MIA2: variants seen among roughly 807,000 people sequenced by gnomAD.
The protein encoded by MIA2 is MIA SH3 domain ER export factor 2.
In MIA2, 127 loss-of-function variants were observed where a neutral mutation model predicts 167.8. The ratio of observed to expected loss-of-function variants is 0.76; its 90% CI spans 0.66 to 0.88. The LOEUF (loss-of-function observed/expected upper bound fraction) is 0.88, where lower values mean the gene tolerates loss of function less well. Ranked by LOEUF, MIA2 falls within the 40% of genes least tolerant of loss-of-function variation. The pLI is 0.00. For synonymous variants in MIA2, 552 were observed against 541.9 expected, an observed-to-expected ratio of 1.02 and a Z score of -0.26; for missense variants, 1,690 against 1,624.7, an observed-to-expected ratio of 1.04 and a Z score of -0.69.
intron 9 of MIA2, among the ~76,000 whole-genome samples, chr14:39,284,648 A>C (rs1032044895): frequency 6.6e-6 from 1 of 151,868 alleles, no homozygotes; most frequent in African/African-American, 2.4e-5. Flanking sequence ...TCAATGTTTT[A>C]TACTTTTCAG....
chr14:39,384,328 G>A (rs1029324415), intron 23 of MIA2, among the ~76,000 whole-genome samples: 2 of 152,070 alleles, frequency 1.3e-5, no homozygotes, highest in Admixed American at 6.6e-5. Context: ...TTAAGCCCAC[G>A]ACCTACTGCT....
intron 23 of MIA2, among the ~76,000 whole-genome samples, chr14:39,364,714 GT>G (rs71435652): frequency 2.7e-5 from 4 of 150,230 alleles, no homozygotes; most frequent in African/African-American, 7.4e-5. Flanking sequence ...CTGATAGTTT[GT>G]TTTTTTTGTT....
At chr14:39,263,881 G>A (rs1777116108) in intron 6 of MIA2, among the ~76,000 whole-genome samples, 1 of 151,966 alleles carries the variant, frequency 6.6e-6, no homozygotes, top group Non-Finnish European at 1.5e-5. Context: ...TGATTCGCCC[G>A]CCTTGGCCTC....
downstream of MIA2, among the ~76,000 whole-genome samples, chr14:39,353,543 A>G (rs2074446125): frequency 6.6e-6 from 1 of 152,142 alleles, no homozygotes; most frequent in Admixed American, 6.6e-5. Context: ...ATGACTGAAT[A>G]GTATTCCTTT....
chr14:39,246,838 T>G, intron 3 of MIA2, 73 bp from the exon 4 acceptor site: 1 of 854,176 alleles, frequency 1.2e-6, no homozygotes, highest in Non-Finnish European at 1.7e-6. Flanking sequence ...AATCATCCAT[T>G]TTAAATGACT....
chr14:39,288,430 T>G (rs934630902), intron 9 of MIA2, among the ~76,000 whole-genome samples: 1 of 82,802 alleles, frequency 1.2e-5, no homozygotes, highest in African/African-American at 4.8e-5. Flanking sequence ...GTATATATTA[T>G]ACATATATAT....
In MIA2 at chr14:39,279,339, T is replaced by C. The variant is rs202071978; in HGVS notation, c.2022T>C (p.Val674=). 7 of 1,606,498 alleles carry C rather than the reference T, an allele frequency of 4.4e-6. No homozygotes were observed. The Admixed American group carries it at 8.6e-5, about 20-fold the overall frequency. Residue 674 remains valine (V), a splice_region_variant and synonymous_variant, in exon 8 of 29, where the codon GTT becomes GTC. Coordinates refer to ENST00000640607, the MANE Select transcript of MIA2 (RefSeq NM_001329214.4). ...LFFLWRSFRS[V]RSRLYVGREK... Reference sequence around the variant, plus strand: ...TTTTTGTTAAAAATTTGTTTCAGGTTAGGAGTCGGCTTTATGTGGGTAAGT... The same window carrying C: ...TTTTTGTTAAAAATTTGTTTCAGGTCAGGAGTCGGCTTTATGTGGGTAAGT...
At chr14:39,293,404 G>C (rs768867924) in intron 11 of MIA2, 23 bp downstream of exon 11, 1 of 1,413,818 alleles carries the variant, frequency 7.1e-7, no homozygotes, top group South Asian at 1.2e-5. Flanking sequence ...TATTTGAGGA[G>C]AATATAAGAA....
chr14:39,362,126 C>G (rs1346286802), intron 23 of MIA2, among the ~76,000 whole-genome samples: 1 of 152,142 alleles, frequency 6.6e-6, no homozygotes, highest in East Asian at 1.9e-4. Context: ...CCATATTCAT[C>G]AGAGACATTG....
chr14:39,284,898 T>C lies in MIA2; in HGVS notation c.2130+5361T>C, dbSNP rs556307896. 3.6e-4 allele frequency among the ~76,000 whole-genome samples: 55 copies of C among 152,126 alleles called. 1 individual carries two copies. The East Asian group carries it at 9.9e-3, about 27-fold the overall frequency. On this transcript the variant is annotated intron_variant, in intron 9 of 28. Coordinates refer to ENST00000640607, the MANE Select transcript of MIA2 (RefSeq NM_001329214.4). ...TTTTCCTAGGCAGAGGACCCTGCGG[T>C]CTTCCGCAGTGTTTGTGTCCCTGGG... is the stretch of plus-strand genomic sequence containing the variant.
At chr14:39,298,455 T>C in intron 13 of MIA2, among the ~76,000 whole-genome samples, 1 of 21,682 alleles carries the variant, frequency 4.6e-5, no homozygotes, top group East Asian at 2.3e-3. Flanking sequence ...AGATTAGTTT[T>C]TCATGTGTTC....
intron 6 of MIA2, chr14:39,266,197 T>G: frequency 1.0e-6 from 1 of 985,402 alleles, no homozygotes; most frequent in Non-Finnish European, 1.2e-6. Context: ...TTGAGTTGCT[T>G]CACCAAAGTA....
chr14:39,286,057 G>A (rs993639097), intron 9 of MIA2, among the ~76,000 whole-genome samples: 12 of 152,238 alleles, frequency 7.9e-5, no homozygotes, highest in Admixed American at 7.2e-4. Flanking sequence ...GCTGGGCAGA[G>A]GCTGCAATCT....
chr14:39,299,308 T>TTTTTTTC (rs2062023832), intron 13 of MIA2, among the ~76,000 whole-genome samples: 1 of 129,374 alleles, frequency 7.7e-6, no homozygotes, highest in Admixed American at 7.9e-5. Context: ...GGTATTTCTT[T>TTTTTTTC]TTTTTTTTTT....
intron 25 of MIA2, among the ~76,000 whole-genome samples, chr14:39,344,423 AC>A (rs2072742777): frequency 6.6e-6 from 1 of 152,146 alleles, no homozygotes. Flanking sequence ...GCTAACTCAA[AC>A]CCTTTGAAAC....
intron 23 of MIA2, among the ~76,000 whole-genome samples, chr14:39,357,028 G>A (rs1051165020): frequency 3.3e-5 from 5 of 152,194 alleles, no homozygotes; most frequent in African/African-American, 1.2e-4. Flanking sequence ...TATATATTCT[G>A]TTGAATTCGG....
chr14:39,234,098 C>T lies in MIA2; in HGVS notation c.-17C>T, dbSNP rs367786509. On this transcript the variant is annotated 5_prime_UTR_variant, in exon 1 of 29. Coordinates refer to ENST00000640607, the MANE Select transcript of MIA2 (RefSeq NM_001329214.4). ...TGGCTTAAACTTCACTTGGGATTCC[C>T]GGTTGCTTGTTTTAGCATGGCAAAA... 5.2e-6 allele frequency: 8 copies of T among 1,535,702 alleles called. No homozygotes were observed. Among genetic ancestry groups the T allele is most frequent in the Admixed American group, 3.6e-5 (2 of 55,968 alleles).
At chr14:39,329,778 T>A (rs2068391865) in intron 25 of MIA2, among the ~76,000 whole-genome samples, 1 of 152,176 alleles carries the variant, frequency 6.6e-6, no homozygotes, top group South Asian at 2.1e-4. Flanking sequence ...CGTTTACTAA[T>A]TTGCATATGT....
chr14:39,244,954 T>C (rs1049218105), intron 3 of MIA2, among the ~76,000 whole-genome samples: 1 of 152,096 alleles, frequency 6.6e-6, no homozygotes, highest in African/African-American at 2.4e-5. Context: ...TTTTTGTATT[T>C]TTTTGTAGAG....
Sources: allele counts gnomAD v4.1 joint callset (sites outside exome capture counted in the v4.1 genomes callset), GRCh38; gene constraint gnomAD v4.1.1; transcripts MANE v1.5; gene names NCBI Gene and HGNC (gene_info 2026-07-23, HGNC 2026-07-21).